The following EPM2A variants were observed in gnomAD, a reference collection of about 807,000 sequenced individuals.
EPM2A encodes laforin.
In EPM2A, 21 loss-of-function variants were observed where a neutral mutation model predicts 26.5. That is an observed-to-expected ratio of 0.79 (90% CI 0.56 to 1.14). EPM2A has a LOEUF of 1.14. Among genes scored for constraint, EPM2A ranks in the 50% most tolerant of loss-of-function variants. The pLI, the probability that EPM2A is intolerant of heterozygous loss-of-function variation, is 0.00. For synonymous variants in EPM2A, 217 were observed against 177.6 expected (o/e 1.22, Z -1.76); for missense variants, 458 against 440.8 (o/e 1.04, Z -0.35).
intron 2 of EPM2A, among the ~76,000 whole-genome samples, chr6:145,538,698 G>A (rs1780467714): frequency 6.6e-6 from 1 of 152,156 alleles, no homozygotes; most frequent in African/African-American, 2.4e-5. Flanking sequence ...TAATTCATCT[G>A]GGATAAATAA....
At chr6:145,603,513 C>T (rs1187881924) in intron 2 of EPM2A, among the ~76,000 whole-genome samples, 2 of 152,158 alleles carry the variant, frequency 1.3e-5, no homozygotes, top group Admixed American at 6.5e-5. Context: ...AGATCAGGGA[C>T]TATGTCTATT....
intron 2 of EPM2A, among the ~76,000 whole-genome samples, chr6:145,518,736 G>T (rs1780165020): frequency 6.6e-6 from 1 of 151,930 alleles, no homozygotes; most frequent in South Asian, 2.1e-4. Context: ...TCTGAGGAAA[G>T]AGAAATTAAT....
At chr6:145,431,946 C>T (rs1052991083) in intron 4 of EPM2A, among the ~76,000 whole-genome samples, 4 of 152,194 alleles carry the variant, frequency 2.6e-5, no homozygotes, top group Non-Finnish European at 5.9e-5. Flanking sequence ...ATAAATGATG[C>T]TCAGAGCATC....
At position 145,597,467 on chromosome 6, in the gene EPM2A, A is replaced by AT. The variant is rs1177054458; in HGVS notation, c.340+37777dup. Among the ~76,000 whole-genome samples the AT allele has an allele frequency of 2.1e-3, 298 of 140,114 alleles. 5 individuals carry two copies. Among genetic ancestry groups the AT allele is most frequent in the South Asian group, 0.015 (68 of 4,394 alleles). The allele number at this position is 140,114 out of a possible 152,430, so 91.9% of individuals were successfully genotyped here. A position where few individuals can be genotyped will look rare whatever the true frequency, so the allele number is the denominator to read the frequency against. On this transcript the variant is annotated intron_variant, in intron 2 of 3. Coordinates refer to the EPM2A transcript ENST00000450221. ...CAGATCCTTTGTATGTGACCTGTTT[A>AT]TTTTTTTTTCTTTTTTTTGGTAAGT...
chr6:145,476,282 G>A (rs529774906), intron 4 of EPM2A, among the ~76,000 whole-genome samples: 4 of 151,942 alleles, frequency 2.6e-5, no homozygotes, highest in Non-Finnish European at 5.9e-5. Flanking sequence ...GGTATATAAA[G>A]GAAATATCAT....
At chr6:145,457,179 G>A (rs1391947177) in intron 4 of EPM2A, among the ~76,000 whole-genome samples, 2 of 152,114 alleles carry the variant, frequency 1.3e-5, no homozygotes, top group African/African-American at 4.8e-5. Flanking sequence ...CTGCTAATAA[G>A]TCATCAGAGT....
At chr6:145,542,281 A>T (rs940730502) in intron 2 of EPM2A, among the ~76,000 whole-genome samples, 2 of 152,208 alleles carry the variant, frequency 1.3e-5, no homozygotes, top group African/African-American at 4.8e-5. Flanking sequence ...ACAACTGGAC[A>T]GATTCATCTC....
chr6:145,447,061 TTA>T (rs1779136814), intron 4 of EPM2A, among the ~76,000 whole-genome samples: 1 of 152,210 alleles, frequency 6.6e-6, no homozygotes. Context: ...TTTTCATTTA[TTA>T]TATGTCTCTT....
intron 2 of EPM2A, among the ~76,000 whole-genome samples, chr6:145,523,751 C>CCAT (rs751328573): frequency 6.6e-6 from 1 of 152,074 alleles, no homozygotes; most frequent in Non-Finnish European, 1.5e-5. Flanking sequence ...AGAAAGAGTC[C>CCAT]CATGTCCCTC....
At chr6:145,466,766 G>A (rs1237302091) in intron 4 of EPM2A, among the ~76,000 whole-genome samples, 1 of 152,088 alleles carries the variant, frequency 6.6e-6, no homozygotes, top group African/African-American at 2.4e-5. Context: ...ATGATAAACT[G>A]GATTAAGAAA....
chr6:145,398,641 C>T (rs1246975422), intron 4 of EPM2A, among the ~76,000 whole-genome samples: 1 of 152,058 alleles, frequency 6.6e-6, no homozygotes. Context: ...GGGCAGATCA[C>T]TTGAAGTCAG....
intron 4 of EPM2A, among the ~76,000 whole-genome samples, chr6:145,466,093 C>T (rs894504122): frequency 2.6e-5 from 4 of 151,880 alleles, no homozygotes; most frequent in African/African-American, 9.6e-5. Context: ...GACTTCATGT[C>T]TAAAACACCA....
chr6:145,674,244 G>C (rs1320597965), intron 2 of EPM2A, among the ~76,000 whole-genome samples: 1 of 150,486 alleles, frequency 6.6e-6, no homozygotes, highest in African/African-American at 2.5e-5. Context: ...GAAAGAAATA[G>C]CATCAACATC....
At chr6:145,611,916 T>C (rs1775400675) in intron 2 of EPM2A, among the ~76,000 whole-genome samples, 1 of 152,132 alleles carries the variant, frequency 6.6e-6, no homozygotes. Context: ...GGAAACCATG[T>C]TGATGGCTTG....
intron 4 of EPM2A, among the ~76,000 whole-genome samples, chr6:145,446,021 G>T (rs1046881044): frequency 2.8e-4 from 43 of 152,172 alleles, no homozygotes; most frequent in Non-Finnish European, 5.6e-4. Context: ...AGAGAACAAT[G>T]GTAGAGAGGC....
intron 4 of EPM2A, among the ~76,000 whole-genome samples, chr6:145,422,166 A>C (rs962651562): frequency 2.1e-5 from 3 of 146,222 alleles, no homozygotes; most frequent in African/African-American, 7.4e-5. Flanking sequence ...AAATATATTT[A>C]TATTATAAAA....
intron 4 of EPM2A, among the ~76,000 whole-genome samples, chr6:145,496,035 G>T (rs1261943987): frequency 6.6e-6 from 1 of 152,068 alleles, no homozygotes; most frequent in East Asian, 1.9e-4. Flanking sequence ...GTCTCTAAAG[G>T]ATCTTATTTC....
intron 2 of EPM2A, chr6:145,670,867 G>A: frequency 1.0e-6 from 1 of 980,108 alleles, no homozygotes. Context: ...TACTCTTAGA[G>A]AACTCTCACA....
At chr6:145,477,029 G>A (rs1277344951) in intron 4 of EPM2A, among the ~76,000 whole-genome samples, 1 of 151,570 alleles carries the variant, frequency 6.6e-6, no homozygotes, top group Non-Finnish European at 1.5e-5. Flanking sequence ...AAAACTTAAA[G>A]AAAATGGACA....
Sources: gnomAD v4.1 joint callset for allele counts (sites outside exome capture counted in the v4.1 genomes callset) on GRCh38, gnomAD v4.1.1 for gene constraint, MANE v1.5 for transcripts, NCBI Gene and HGNC (gene_info 2026-07-23, HGNC 2026-07-21) for gene names.